The following ZSWIM5 variants were observed in gnomAD, a reference collection of about 807,000 sequenced individuals.
ZSWIM5 encodes the protein zinc finger SWIM-type containing 5.
A neutral mutation model predicts 119.6 loss-of-function variants in ZSWIM5; 55 were observed. The observed-to-expected ratio is 0.46, with a 90% CI of 0.37 to 0.58. ZSWIM5 has a LOEUF of 0.58. ZSWIM5 is among the 20% of genes least tolerant of loss of function. The probability of loss-of-function intolerance (pLI) is 0.00; values close to 1 mark genes in which losing one functional copy is unlikely to be tolerated. For missense variants in ZSWIM5, 1,193 were observed against 1,512.8 expected, an observed-to-expected ratio of 0.79 and a Z score of 3.51; for synonymous variants, 537 against 606.9, an observed-to-expected ratio of 0.88 and a Z score of 1.69.
chr1:45,036,761 A>G (rs1211446997), intron 8 of ZSWIM5, among the ~76,000 whole-genome samples: 1 of 152,086 alleles, frequency 6.6e-6, no homozygotes, highest in African/African-American at 2.4e-5. Context: ...TACTGAAAAA[A>G]AGGTTACACA....
chr1:45,129,425 G>A (rs1645641527), intron 1 of ZSWIM5, among the ~76,000 whole-genome samples: 1 of 152,160 alleles, frequency 6.6e-6, no homozygotes, highest in East Asian at 1.9e-4. Context: ...CCAAAGTGCT[G>A]GGATTACAGG....
chr1:45,180,932 G>T (rs1297448167), intron 1 of ZSWIM5, among the ~76,000 whole-genome samples: 4 of 152,056 alleles, frequency 2.6e-5, no homozygotes, highest in Admixed American at 2.6e-4. Context: ...AAACCCATCT[G>T]TACATCACCA....
chr1:45,074,041 T>G (rs1645241190), intron 2 of ZSWIM5, among the ~76,000 whole-genome samples: 1 of 152,038 alleles, frequency 6.6e-6, no homozygotes, highest in Non-Finnish European at 1.5e-5. Context: ...TATTGATTGA[T>G]TTCCATATAT....
intron 2 of ZSWIM5, among the ~76,000 whole-genome samples, chr1:45,060,547 A>G (rs1487058502): frequency 6.6e-6 from 1 of 152,180 alleles, no homozygotes; most frequent in Non-Finnish European, 1.5e-5. Context: ...CAATATGCAA[A>G]TTGTGCATTT....
intron 11 of ZSWIM5, among the ~76,000 whole-genome samples, chr1:45,028,447 C>T (rs1478652831): frequency 6.6e-6 from 1 of 152,100 alleles, no homozygotes; most frequent in Non-Finnish European, 1.5e-5. Flanking sequence ...TTTCTCCACA[C>T]CTTTGTCAAC....
intron 1 of ZSWIM5, among the ~76,000 whole-genome samples, chr1:45,098,485 A>G (rs1645417784): frequency 6.6e-6 from 1 of 152,170 alleles, no homozygotes; most frequent in South Asian, 2.1e-4. Flanking sequence ...AGGTCTTTCC[A>G]ATGGGGAAAT....
chr1:45,025,084 T>C (rs1644912265), intron 11 of ZSWIM5, among the ~76,000 whole-genome samples: 2 of 152,364 alleles, frequency 1.3e-5, no homozygotes, highest in African/African-American at 4.8e-5. Context: ...CCAGATTTTC[T>C]AGCACCATTT....
intron 1 of ZSWIM5, among the ~76,000 whole-genome samples, chr1:45,107,021 C>T (rs1332216124): frequency 1.3e-5 from 2 of 152,114 alleles, no homozygotes; most frequent in African/African-American, 2.4e-5. Flanking sequence ...ACAGCATACT[C>T]GTTAAGAGTC....
chr1:45,149,662 A>G (rs1570152404), intron 1 of ZSWIM5, among the ~76,000 whole-genome samples: 1 of 152,252 alleles, frequency 6.6e-6, no homozygotes, highest in East Asian at 1.9e-4. Flanking sequence ...TCATTTATCT[A>G]TAACAGGCTC....
intron 1 of ZSWIM5, among the ~76,000 whole-genome samples, chr1:45,187,241 A>C (rs1646064757): frequency 6.6e-6 from 1 of 152,202 alleles, no homozygotes; most frequent in Non-Finnish European, 1.5e-5. Context: ...TGTGATACTA[A>C]CATAAGGATA....
chr1:45,117,938 A>G (rs1645568555), intron 1 of ZSWIM5, among the ~76,000 whole-genome samples: 1 of 152,168 alleles, frequency 6.6e-6, no homozygotes, highest in Non-Finnish European at 1.5e-5. Flanking sequence ...TAGGTCATAT[A>G]GTGGTTTTGG....
chr1:45,091,748 C>G (rs1645365549), intron 1 of ZSWIM5, among the ~76,000 whole-genome samples: 1 of 152,142 alleles, frequency 6.6e-6, no homozygotes, highest in South Asian at 2.1e-4. Context: ...TTTATCCGTT[C>G]AATGCTTCAG....
intron 4 of ZSWIM5, among the ~76,000 whole-genome samples, chr1:45,054,207 G>A (rs1645107679): frequency 6.6e-6 from 1 of 152,164 alleles, no homozygotes; most frequent in African/African-American, 2.4e-5. Context: ...GATCCCAGGA[G>A]TTTGAGTTGC....
intron 11 of ZSWIM5, among the ~76,000 whole-genome samples, chr1:45,024,160 G>A (rs904123000): frequency 7.1e-6 from 1 of 140,272 alleles, no homozygotes; most frequent in Admixed American, 7.1e-5. Context: ...TTGTCTTTTT[G>A]TTTTCTTAAC....
intron 1 of ZSWIM5, among the ~76,000 whole-genome samples, chr1:45,192,990 A>C (rs539894307): frequency 1.3e-5 from 2 of 151,866 alleles, no homozygotes; most frequent in Admixed American, 1.3e-4. Flanking sequence ...CCCATTTTTG[A>C]ATTAGGTTTT....
At chr1:45,144,287 G>A (rs1341713124) in intron 1 of ZSWIM5, among the ~76,000 whole-genome samples, 8 of 152,028 alleles carry the variant, frequency 5.3e-5, no homozygotes, top group African/African-American at 1.9e-4. Flanking sequence ...CAGCACTTTG[G>A]GAGGCTGAGG....
chr1:45,186,294 T>C (rs995808021), intron 1 of ZSWIM5, among the ~76,000 whole-genome samples: 4 of 150,140 alleles, frequency 2.7e-5, no homozygotes, highest in Admixed American at 2.7e-4. Context: ...GAGATATACC[T>C]AATGCTAAAT....
Position 45,043,347 on chromosome 1 carries a change from C to T in ZSWIM5, c.1481G>A (p.Gly494Glu). 1.2e-6 allele frequency: 2 copies of T among 1,614,158 alleles called. No homozygotes were observed. Residue 494 changes from glycine to glutamate, a missense_variant, in exon 6 of 14, where the codon GGG becomes GAG. Transcript: ENST00000359600. Reference protein sequence around the residue: ...RRTVFTRAIEGRELHWQDSHL... With the variant: ...RRTVFTRAIEERELHWQDSHL... ...GCTATCCTGCCAATGTAATTCACGC[C>T]CCTCAATGGCTCTAGTGAATACTGT...
At position 45,199,362 on chromosome 1, in the gene ZSWIM5, G is replaced by A. The variant is rs141611481; in HGVS notation, c.595+6394C>T. On this transcript the variant is annotated intron_variant, in intron 1 of 13. Transcript: ENST00000359600. ...CGCCCAGGCTGGAGTGCAGTGGCAC[G>A]ATCTTGGCTCACTGCAACCTCTGCC... Among the ~76,000 whole-genome samples the A allele has an allele frequency of 6.8e-3, 1,030 of 150,414 alleles. 21 individuals carry two copies. The highest frequency in any genetic ancestry group is 0.024 in the African/African-American group (993 of 40,870).
Sources: allele counts gnomAD v4.1 joint callset (sites outside exome capture counted in the v4.1 genomes callset), GRCh38; gene constraint gnomAD v4.1.1; transcripts MANE v1.5; gene names NCBI Gene and HGNC (gene_info 2026-07-23, HGNC 2026-07-21).